The following OOSP4B variants were observed in gnomAD, a reference collection of about 807,000 sequenced individuals.
OOSP4B encodes oocyte-secreted protein 4B.
chr11:60,025,616 T>C (rs933395376), intron 3 of OOSP4B, among the ~76,000 whole-genome samples: 5 of 152,240 alleles, frequency 3.3e-5, no homozygotes, highest in Admixed American at 6.5e-5. Flanking sequence ...CTTGTTTCTT[T>C]ATATTGCCGA....
chr11:60,029,548 A>T (rs888039203), intron 3 of OOSP4B, among the ~76,000 whole-genome samples: 2 of 152,066 alleles, frequency 1.3e-5, no homozygotes, highest in African/African-American at 4.8e-5. Context: ...ACTTTTATTG[A>T]CCCCGGAGCC....
chr11:60,027,645 G>A (rs911600655), intron 3 of OOSP4B, among the ~76,000 whole-genome samples: 3 of 74,158 alleles, frequency 4.0e-5, no homozygotes, highest in African/African-American at 1.3e-4. Flanking sequence ...GCAGGTAAAG[G>A]CTATGATATT....
intron 1 of OOSP4B, among the ~76,000 whole-genome samples, chr11:60,023,223 C>T (rs1854711711): frequency 6.6e-6 from 1 of 152,132 alleles, no homozygotes; most frequent in Non-Finnish European, 1.5e-5. Flanking sequence ...TACAGAGTAG[C>T]ACAGCAGCCA....
chr11:60,025,757 AT>A (rs1212572298), intron 3 of OOSP4B, among the ~76,000 whole-genome samples: 1 of 152,188 alleles, frequency 6.6e-6, no homozygotes, highest in East Asian at 1.9e-4. Flanking sequence ...TTTCCTTTAA[AT>A]ACCTAAGAAT....
At chr11:60,024,275 C>T (rs1182437505) in intron 2 of OOSP4B, among the ~76,000 whole-genome samples, 2 of 152,286 alleles carry the variant, frequency 1.3e-5, no homozygotes, top group East Asian at 1.9e-4. Context: ...CATGGTGGCT[C>T]ACACCTGTAA....
intron 3 of OOSP4B, 66 bp from the exon 4 acceptor site, chr11:60,029,716 T>C (rs1854786031): frequency 2.5e-6 from 1 of 397,332 alleles, no homozygotes; most frequent in Non-Finnish European, 4.4e-6. Flanking sequence ...CTAATACATA[T>C]TTTTCCCACA....
At chr11:60,022,148 G>A (rs1315268027) in intron 1 of OOSP4B, 1 of 152,158 alleles carries the variant, frequency 6.6e-6, no homozygotes, top group Non-Finnish European at 1.5e-5. Flanking sequence ...GGCCCTGCAA[G>A]CTTTGCTTTT....
At chr11:60,019,796 C>T (rs886495300) in intron 1 of OOSP4B, among the ~76,000 whole-genome samples, 4 of 152,204 alleles carry the variant, frequency 2.6e-5, no homozygotes, top group Non-Finnish European at 5.9e-5. Flanking sequence ...CAACGGGTTG[C>T]CAGTGCTGGT....
At chr11:60,027,666 A>G (rs1673865972) in intron 3 of OOSP4B, among the ~76,000 whole-genome samples, 1 of 148,372 alleles carries the variant, frequency 6.7e-6, no homozygotes. Context: ...AAAAAAAAAA[A>G]AAAAAAAAAA....
chr11:60,025,265 A>G (rs1854736905), intron 3 of OOSP4B, among the ~76,000 whole-genome samples: 1 of 152,220 alleles, frequency 6.6e-6, no homozygotes, highest in Non-Finnish European at 1.5e-5. Flanking sequence ...CCAATTGAAG[A>G]CATGAGTACA....
chr11:60,028,677 T>G (rs1854771484), intron 3 of OOSP4B, among the ~76,000 whole-genome samples: 1 of 152,218 alleles, frequency 6.6e-6, no homozygotes, highest in African/African-American at 2.4e-5. Flanking sequence ...CTTTCTGTGG[T>G]TTTAAAATCT....
At chr11:60,019,288 A>C (rs1246363618) in intron 1 of OOSP4B, among the ~76,000 whole-genome samples, 1 of 152,170 alleles carries the variant, frequency 6.6e-6, no homozygotes. Flanking sequence ...CCTAGGCAAG[A>C]AGATCGCTTG....
chr11:60,024,562 C>T lies in OOSP4B; in HGVS notation c.205-346C>T, dbSNP rs181948329. ...TCAAAGTCATAAGGTACGGTCTGTG[C>T]CTTCTCAGTTTTACTACCTCCATCT... On this transcript the variant is annotated intron_variant, in intron 2 of 4. Transcript: ENST00000642343. Among the ~76,000 whole-genome samples the T allele has an allele frequency of 2.6e-5, 4 of 152,214 alleles. No individual in the cohort carries two copies. The East Asian group carries it at 7.7e-4, about 29-fold the overall frequency.
intron 1 of OOSP4B, among the ~76,000 whole-genome samples, chr11:60,020,539 C>T (rs1854679883): frequency 6.6e-6 from 1 of 152,224 alleles, no homozygotes; most frequent in South Asian, 2.1e-4. Context: ...CCACGCCCAC[C>T]CAGAACTTGC....
At chr11:60,027,951 C>A (rs1029688087) in intron 3 of OOSP4B, among the ~76,000 whole-genome samples, 1 of 151,118 alleles carries the variant, frequency 6.6e-6, no homozygotes, top group South Asian at 2.1e-4. Flanking sequence ...AAAAAAAAGC[C>A]GTTAGTCTCC....
At chr11:60,025,849 C>G (rs1854742318) in intron 3 of OOSP4B, among the ~76,000 whole-genome samples, 1 of 152,156 alleles carries the variant, frequency 6.6e-6, no homozygotes, top group African/African-American at 2.4e-5. Flanking sequence ...CTTTTTGGCA[C>G]TAATACGAGG....
chr11:60,026,613 A>G (rs1191669946), intron 3 of OOSP4B, among the ~76,000 whole-genome samples: 1 of 152,220 alleles, frequency 6.6e-6, no homozygotes, highest in Non-Finnish European at 1.5e-5. Context: ...AAGGTCAGAC[A>G]AAATTAAGGC....
intron 1 of OOSP4B, among the ~76,000 whole-genome samples, chr11:60,018,737 AGTTT>A (rs1475685333): frequency 6.6e-6 from 1 of 152,030 alleles, no homozygotes; most frequent in African/African-American, 2.4e-5. Context: ...GTTACACCTG[AGTTT>A]GTTTGATCTT....
chr11:60,025,633 T>C (rs1854740342), intron 3 of OOSP4B, among the ~76,000 whole-genome samples: 1 of 152,244 alleles, frequency 6.6e-6, no homozygotes, highest in Non-Finnish European at 1.5e-5. Flanking sequence ...CCGAGTGGTA[T>C]ATTTCATTAG....
Sources: gnomAD v4.1 joint callset for allele counts (sites outside exome capture counted in the v4.1 genomes callset) on GRCh38, gnomAD v4.1.1 for gene constraint, MANE v1.5 for transcripts, NCBI Gene and HGNC (gene_info 2026-07-23, HGNC 2026-07-21) for gene names.